ANKRD31: variants seen among roughly 807,000 people sequenced by gnomAD.
ANKRD31 encodes ankyrin repeat domain-containing protein 31.
ANKRD31 carries 147 observed loss-of-function variants against 186.0 expected under a neutral mutation model. The ratio of observed to expected loss-of-function variants is 0.79; its 90% CI spans 0.69 to 0.91. The LOEUF (loss-of-function observed/expected upper bound fraction) is 0.91, where lower values mean the gene tolerates loss of function less well. ANKRD31 is among the 40% of genes least tolerant of loss of function. The pLI is 0.00. For missense variants in ANKRD31, 1,986 were observed against 2,148.8 expected, an observed-to-expected ratio of 0.92 and a Z score of 1.50; for synonymous variants, 673 against 736.4, an observed-to-expected ratio of 0.91 and a Z score of 1.39.
At chr5:75,129,597 G>A (rs1309034225) in intron 17 of ANKRD31, among the ~76,000 whole-genome samples, 1 of 152,114 alleles carries the variant, frequency 6.6e-6, no homozygotes, top group Admixed American at 6.5e-5. Context: ...AGGATCCAAG[G>A]AATTTTTTTA....
intron 11 of ANKRD31, among the ~76,000 whole-genome samples, chr5:75,163,496 G>T (rs1233275150): frequency 6.6e-6 from 1 of 152,082 alleles, no homozygotes; most frequent in African/African-American, 2.4e-5. Context: ...GAGCTAAGAG[G>T]GTCTTTTTCT....
intron 2 of ANKRD31, among the ~76,000 whole-genome samples, chr5:75,227,375 G>T (rs1246381280): frequency 6.6e-6 from 1 of 152,142 alleles, no homozygotes; most frequent in Non-Finnish European, 1.5e-5. Flanking sequence ...ACAACAGAGT[G>T]AGTATAGTCA....
chr5:75,158,723 T>A (rs1448182460), intron 11 of ANKRD31, among the ~76,000 whole-genome samples: 1 of 152,030 alleles, frequency 6.6e-6, no homozygotes, highest in African/African-American at 2.4e-5. Context: ...TCCCAAAAAT[T>A]CGAGGCTGCA....
At chr5:75,126,079 G>C (rs1411831981) in intron 17 of ANKRD31, among the ~76,000 whole-genome samples, 1 of 152,154 alleles carries the variant, frequency 6.6e-6, no homozygotes, top group Non-Finnish European at 1.5e-5. Context: ...AATTTCACAT[G>C]AATGAGCTCA....
intron 10 of ANKRD31, among the ~76,000 whole-genome samples, chr5:75,181,894 TA>T (rs58894142): frequency 3.4e-5 from 5 of 148,946 alleles, no homozygotes; most frequent in East Asian, 4.0e-4. Context: ...ATAGTAATGA[TA>T]AAAAAAAAGA....
At chr5:75,105,922 T>C (rs970003132) in intron 21 of ANKRD31, among the ~76,000 whole-genome samples, 26 of 152,138 alleles carry the variant, frequency 1.7e-4, no homozygotes, top group Non-Finnish European at 2.9e-4. Flanking sequence ...ACTTTTGTCT[T>C]TTGATTATGC....
At chr5:75,118,374 G>A (rs756345381) in intron 17 of ANKRD31, 77 bp from the exon 18 acceptor site, 3 of 1,215,674 alleles carry the variant, frequency 2.5e-6, no homozygotes, top group Non-Finnish European at 3.2e-6. Flanking sequence ...AAACACCACT[G>A]CCAAGCATTA....
At chr5:75,115,158 A>G (rs1055974064) in intron 19 of ANKRD31, among the ~76,000 whole-genome samples, 1 of 150,832 alleles carries the variant, frequency 6.6e-6, no homozygotes, top group African/African-American at 2.4e-5. Context: ...GCAATGGGGA[A>G]AGGATTCCCT....
chr5:75,116,809 CTCA>C, intron 18 of ANKRD31, 128 bp from the exon 19 acceptor site: 1 of 454,414 alleles, frequency 2.2e-6, no homozygotes, highest in Non-Finnish European at 3.6e-6. Context: ...TTAACCAACA[CTCA>C]TCATCGTCAT....
intron 10 of ANKRD31, among the ~76,000 whole-genome samples, chr5:75,179,906 T>C (rs868725698): frequency 1.3e-5 from 2 of 152,074 alleles, no homozygotes; most frequent in Admixed American, 1.3e-4. Context: ...GAGAAGGAAA[T>C]AAAGGGCATT....
At chr5:75,166,439 C>T (rs1479223675) in intron 11 of ANKRD31, among the ~76,000 whole-genome samples, 2 of 152,162 alleles carry the variant, frequency 1.3e-5, no homozygotes, top group Non-Finnish European at 2.9e-5. Context: ...CCACTACACT[C>T]CAGCCTGGGT....
rs951977457 is a variant in ANKRD31, at chr5:75,160,103, G to A, written c.1708-5758C>T. Among the ~76,000 whole-genome samples the A allele has an allele frequency of 2.0e-5, 3 of 152,040 alleles. No homozygotes were observed. In the South Asian group the frequency reaches 6.2e-4, roughly 32 times the overall value. Reference sequence around the variant, plus strand: ...ATAAATACTTGCTCTTCTTATCTCAGCTTCTTTAAGAGACCTAAGACCATA... The same window carrying A: ...ATAAATACTTGCTCTTCTTATCTCAACTTCTTTAAGAGACCTAAGACCATA... On this transcript the variant is annotated intron_variant, in intron 11 of 25. Coordinates refer to ENST00000506364, the MANE Select transcript of ANKRD31 (RefSeq NM_001372053.1).
Position 75,154,278 on chromosome 5 carries a change from A to C in ANKRD31, c.1775T>G (p.Leu592Trp), listed in dbSNP as rs1289861004. The C allele has an allele frequency of 1.3e-6, 2 of 1,536,024 alleles. No homozygotes were observed. Among genetic ancestry groups the C allele is most frequent in the Non-Finnish European group, 1.7e-6 (2 of 1,146,260 alleles). ...LFRNDDGKCA[L>W]DEAKDLCMKR... is the part of the protein sequence containing the mutation. ...CATACATAAATCCTTGGCCTCATCC[A>C]AAGCACATTTTCCATCATCATTTCT... is the stretch of plus-strand genomic sequence containing the variant. Residue 592 changes from leucine to tryptophan, a missense_variant, in exon 12 of 26, where the codon TTG becomes TGG. Coordinates refer to ENST00000506364, the MANE Select transcript of ANKRD31 (RefSeq NM_001372053.1).
chr5:75,227,072 T>C (rs1365545305), intron 2 of ANKRD31, among the ~76,000 whole-genome samples: 1 of 152,146 alleles, frequency 6.6e-6, no homozygotes, highest in Non-Finnish European at 1.5e-5. Flanking sequence ...GGAAATGTGA[T>C]ATATATACAC....
At chr5:75,204,313 A>G (rs1475795418) in intron 5 of ANKRD31, among the ~76,000 whole-genome samples, 2 of 152,176 alleles carry the variant, frequency 1.3e-5, no homozygotes, top group African/African-American at 4.8e-5. Flanking sequence ...CCAGGGTTAC[A>G]GATTACCTGC....
At chr5:75,179,780 T>G (rs1474897923) in intron 10 of ANKRD31, among the ~76,000 whole-genome samples, 1 of 152,186 alleles carries the variant, frequency 6.6e-6, no homozygotes, top group African/African-American at 2.4e-5. Context: ...AATATCATAC[T>G]GAATGGACAA....
chr5:75,191,415 T>G (rs1027261972), intron 9 of ANKRD31, among the ~76,000 whole-genome samples: 3 of 152,086 alleles, frequency 2.0e-5, no homozygotes, highest in Non-Finnish European at 2.9e-5. Flanking sequence ...TATGCTCTCA[T>G]ACTATGGAGA....
intron 17 of ANKRD31, among the ~76,000 whole-genome samples, chr5:75,131,884 T>C (rs6453118): frequency 0.51 from 77,239 of 152,086 alleles, 22,688 homozygotes; most frequent in African/African-American, 0.82. Flanking sequence ...CCGCTGGTGA[T>C]ACCCAGGCAA....
At chr5:75,152,598 G>A (rs920424501) in intron 12 of ANKRD31, among the ~76,000 whole-genome samples, 2 of 151,900 alleles carry the variant, frequency 1.3e-5, no homozygotes, top group African/African-American at 4.8e-5. Context: ...TGAATGGAAA[G>A]AATTTGTTTT....
Sources: gnomAD v4.1 joint callset for allele counts (sites outside exome capture counted in the v4.1 genomes callset) on GRCh38, gnomAD v4.1.1 for gene constraint, MANE v1.5 for transcripts, NCBI Gene and HGNC (gene_info 2026-07-23, HGNC 2026-07-21) for gene names.